The following PRC1 variants were observed in gnomAD, a reference collection of about 807,000 sequenced individuals.
The protein encoded by PRC1 is anaphase spindle elongation 1 homolog.
PRC1 carries 54 observed loss-of-function variants against 91.2 expected under a neutral mutation model. The ratio of observed to expected loss-of-function variants is 0.59; its 90% CI spans 0.48 to 0.74. The LOEUF is 0.74. PRC1 is among the 30% of genes least tolerant of loss of function. The pLI, the probability that PRC1 is intolerant of heterozygous loss-of-function variation, is 0.00. For synonymous variants in PRC1, 275 were observed against 263.6 expected (o/e 1.04, Z -0.42); for missense variants, 727 against 746.2 (o/e 0.97, Z 0.30).
chr15:90,973,700 C>T (rs1383257908), intron 11 of PRC1, among the ~76,000 whole-genome samples: 1 of 152,150 alleles, frequency 6.6e-6, no homozygotes, highest in African/African-American at 2.4e-5. Context: ...TGCTCTGTTA[C>T]TCTTTACTAC....
intron 1 of PRC1, chr15:90,988,250 A>C (rs2039723560): frequency 6.6e-6 from 1 of 152,218 alleles, no homozygotes; most frequent in Non-Finnish European, 1.5e-5. Flanking sequence ...TTTAAGATCC[A>C]ATCTGTGGCC....
In PRC1 at chr15:90,968,287, G is replaced by A. The variant is rs571166722; in HGVS notation, c.1791+792C>T. ...AGAAGCACCACCAGCCACGTAATTT[G>A]AAAAACATGCTGGAGTAGGAAGCCA... On this transcript the variant is annotated intron_variant, in intron 14 of 14. Coordinates refer to ENST00000394249, the MANE Select transcript of PRC1 (RefSeq NM_003981.4). 90 of 985,476 alleles carry A rather than the reference G, an allele frequency of 9.1e-5. 1 individual carries two copies. The South Asian group carries it at 3.7e-3, about 40-fold the overall frequency. The allele number at this position is 985,476 out of a possible 1,614,324, so 61.0% of individuals were successfully genotyped here. A position where few individuals can be genotyped will look rare whatever the true frequency, so the allele number is the denominator to read the frequency against.
chr15:90,967,702 G>T, intron 14 of PRC1: 1 of 496,206 alleles, frequency 2.0e-6, no homozygotes, highest in Non-Finnish European at 2.6e-6. Context: ...TTGTAGCCTA[G>T]GAGGAAAACG....
chr15:90,993,399 G>A (rs1430587245), intron 1 of PRC1, among the ~76,000 whole-genome samples: 1 of 151,932 alleles, frequency 6.6e-6, no homozygotes, highest in Non-Finnish European at 1.5e-5. Flanking sequence ...TTAAGACAAG[G>A]TTTTACCATG....
intron 3 of PRC1, among the ~76,000 whole-genome samples, chr15:90,982,242 C>T (rs1409822641): frequency 6.6e-6 from 1 of 152,234 alleles, no homozygotes; most frequent in African/African-American, 2.4e-5. Flanking sequence ...ACCATCTTAA[C>T]CATTACGTGT....
chr15:90,992,150 T>G (rs1021141332), intron 1 of PRC1, among the ~76,000 whole-genome samples: 19 of 152,164 alleles, frequency 1.2e-4, no homozygotes, highest in African/African-American at 4.3e-4. Context: ...GAGATCACCT[T>G]CTCAGGGAGG....
rs2037505246 is a variant in PRC1 at position 90,966,576 on chromosome 15, C to T, written c.*555G>A. Reference sequence around the variant, plus strand: ...TTTAACAAAGCTGCTCCCAGCCTTCCTGTCACCTCTTTGGCAGTAGGGCAG... The same window carrying T: ...TTTAACAAAGCTGCTCCCAGCCTTCTTGTCACCTCTTTGGCAGTAGGGCAG... On this transcript the variant is annotated 3_prime_UTR_variant, in exon 15 of 15. Transcript: ENST00000394249. 2.2e-6 allele frequency: 1 copy of T among 456,052 alleles called. No individual in the cohort carries two copies. The highest frequency in any genetic ancestry group is 2.3e-5 in the Admixed American group (1 of 42,558). The allele number at this position is 456,052 out of a possible 1,614,324, so 28.3% of individuals were successfully genotyped here. A position where few individuals can be genotyped will look rare whatever the true frequency, so the allele number is the denominator to read the frequency against.
intron 1 of PRC1, among the ~76,000 whole-genome samples, chr15:90,990,542 G>C (rs2039918007): frequency 6.6e-6 from 1 of 151,710 alleles, no homozygotes; most frequent in Non-Finnish European, 1.5e-5. Context: ...TAGATTTGTA[G>C]TTGCGGCTGG....
intron 1 of PRC1, among the ~76,000 whole-genome samples, chr15:90,993,864 C>T (rs1008188757): frequency 2.0e-5 from 3 of 152,208 alleles, no homozygotes; most frequent in Non-Finnish European, 4.4e-5. Flanking sequence ...GGCAGGATTA[C>T]TTGAAGCCAG....
intron 8 of PRC1, 103 bp downstream of exon 8, chr15:90,979,047 TAATGATAA>T (rs2038974575): frequency 1.5e-6 from 2 of 1,305,500 alleles, no homozygotes; most frequent in Non-Finnish European, 2.1e-6. Flanking sequence ...CAGAGAGACT[TAATGATAA>T]AGATGGGGTA....
chr15:90,993,020 G>A (rs186598648), intron 1 of PRC1, among the ~76,000 whole-genome samples: 11 of 119,616 alleles, frequency 9.2e-5, no homozygotes, highest in Non-Finnish European at 1.1e-4. Flanking sequence ...GCTGCAGTGA[G>A]CAATCTCGCC....
intron 11 of PRC1, among the ~76,000 whole-genome samples, chr15:90,970,997 CAG>C (rs1015210752): frequency 4.3e-4 from 66 of 152,020 alleles, no homozygotes; most frequent in African/African-American, 1.5e-3. Flanking sequence ...CATACAGCAA[CAG>C]AGATGAATCT....
At chr15:90,987,090 A>C (rs141120842) in intron 1 of PRC1, among the ~76,000 whole-genome samples, 1 of 148,806 alleles carries the variant, frequency 6.7e-6, no homozygotes, top group Non-Finnish European at 1.5e-5. Context: ...TCTGGGCAAC[A>C]TAGTGAGACT....
chr15:90,966,741 A>G lies in PRC1; in HGVS notation c.*390T>C. The G allele has an allele frequency of 2.2e-6, 1 of 445,590 alleles. No homozygotes were observed. Among genetic ancestry groups the G allele is most frequent in the South Asian group, 1.6e-5 (1 of 61,934 alleles). 27.6% of individuals were successfully genotyped at this position (445,590 alleles called of 1,614,324 possible). A position where few individuals can be genotyped will look rare whatever the true frequency, so the allele number is the denominator to read the frequency against. ...ACATGCCTAAACAAAAAAGATGTTA[A>G]TTACTAGTTACAGGTATACATGCCA... On this transcript the variant is annotated 3_prime_UTR_variant, in exon 15 of 15. Transcript: ENST00000394249.
chr15:90,969,279 A>AC (rs145838057), intron 13 of PRC1, among the ~76,000 whole-genome samples, 159 bp from the exon 14 acceptor site: 3,811 of 151,374 alleles, frequency 0.025, 161 homozygotes, highest in African/African-American at 0.085. Context: ...TTCCTACACA[A>AC]CCCCCCCTTA....
intron 3 of PRC1, 26 bp from the exon 4 acceptor site, chr15:90,982,007 A>G (rs765785681): frequency 1.4e-5 from 22 of 1,592,122 alleles, no homozygotes; most frequent in East Asian, 4.5e-5. Context: ...TACCACTGTT[A>G]TAAGATTCCA....
intron 8 of PRC1, among the ~76,000 whole-genome samples, chr15:90,977,488 C>T (rs551005559): frequency 4.3e-4 from 65 of 151,380 alleles, no homozygotes; most frequent in African/African-American, 1.5e-3. Flanking sequence ...CCAATAGTTA[C>T]TAGAGAGGAT....
chr15:90,971,299 T>C (rs2038103646), intron 11 of PRC1, among the ~76,000 whole-genome samples: 1 of 152,178 alleles, frequency 6.6e-6, no homozygotes, highest in South Asian at 2.1e-4. Flanking sequence ...GCTGTAAATG[T>C]TTTTGAGATG....
chr15:90,982,113 G>A, intron 3 of PRC1, 132 bp from the exon 4 acceptor site: 1 of 826,204 alleles, frequency 1.2e-6, no homozygotes, highest in Non-Finnish European at 1.9e-6. Flanking sequence ...ATGGTCAACA[G>A]AATATGGCAC....
Sources: gnomAD v4.1 joint callset for allele counts (sites outside exome capture counted in the v4.1 genomes callset) on GRCh38, gnomAD v4.1.1 for gene constraint, MANE v1.5 for transcripts, NCBI Gene and HGNC (gene_info 2026-07-23, HGNC 2026-07-21) for gene names.